FAM13A: variants seen among roughly 807,000 people sequenced by gnomAD.
FAM13A encodes the protein family with sequence similarity 13 member A.
In FAM13A, 76 loss-of-function variants were observed where a neutral mutation model predicts 129.6. The ratio of observed to expected loss-of-function variants is 0.59; its 90% CI spans 0.49 to 0.71. The LOEUF is 0.71. Ranked by LOEUF, FAM13A falls within the 30% of genes least tolerant of loss-of-function variation. FAM13A has a pLI of 0.00. For synonymous variants in FAM13A, 443 were observed against 449.9 expected (o/e 0.98, Z 0.20); for missense variants, 1,108 against 1,249.3 (o/e 0.89, Z 1.70).
intron 19 of FAM13A, among the ~76,000 whole-genome samples, chr4:88,741,601 A>T (rs1440436384): frequency 6.6e-6 from 1 of 152,136 alleles, no homozygotes; most frequent in East Asian, 1.9e-4. Flanking sequence ...TCATCAAGAC[A>T]TATGTTTATA....
intron 3 of FAM13A, among the ~76,000 whole-genome samples, chr4:89,018,825 G>T (rs1766865861): frequency 6.6e-6 from 1 of 152,150 alleles, no homozygotes; most frequent in Non-Finnish European, 1.5e-5. Context: ...GTCTAACACA[G>T]ACAGTCTGGC....
chr4:88,995,159 T>TGC (rs1341937503), intron 3 of FAM13A, among the ~76,000 whole-genome samples: 25 of 145,812 alleles, frequency 1.7e-4, no homozygotes, highest in African/African-American at 6.3e-4. Flanking sequence ...GTTGCACAAA[T>TGC]ATACAAACAG....
intron 11 of FAM13A, among the ~76,000 whole-genome samples, chr4:88,774,901 G>A (rs1179902644): frequency 2.0e-5 from 3 of 152,174 alleles, no homozygotes; most frequent in Non-Finnish European, 4.4e-5. Context: ...GAAAAAGATT[G>A]AGGAGAAGAT....
chr4:88,820,438 TTCAG>T (rs1333449674), intron 7 of FAM13A, among the ~76,000 whole-genome samples: 2 of 152,186 alleles, frequency 1.3e-5, no homozygotes, highest in African/African-American at 4.8e-5. Flanking sequence ...CAGAGTAGTG[TTCAG>T]TCAAAGAGAA....
At chr4:88,823,073 G>A in intron 7 of FAM13A, 1 of 1,603,578 alleles carries the variant, frequency 6.2e-7, no homozygotes, top group Non-Finnish European at 8.5e-7. Flanking sequence ...CGTCTGTACA[G>A]TGAACGTCTT....
chr4:88,917,329 G>A (rs1343054072), intron 5 of FAM13A, among the ~76,000 whole-genome samples: 2 of 152,022 alleles, frequency 1.3e-5, no homozygotes, highest in African/African-American at 4.8e-5. Context: ...CTAATACAGG[G>A]AGAACTCACT....
chr4:88,766,780 T>C (rs559779294), intron 13 of FAM13A, among the ~76,000 whole-genome samples: 2 of 152,286 alleles, frequency 1.3e-5, no homozygotes, highest in South Asian at 2.1e-4. Flanking sequence ...CTAAGAATCA[T>C]TGGGTTAGAG....
intron 6 of FAM13A, among the ~76,000 whole-genome samples, chr4:88,901,320 C>A (rs1285575767): frequency 1.3e-5 from 2 of 152,076 alleles, no homozygotes; most frequent in Non-Finnish European, 2.9e-5. Context: ...AACTCTCCAC[C>A]CACAAACAAC....
At chr4:89,030,628 AACATT>A (rs1768560059) in intron 1 of FAM13A, among the ~76,000 whole-genome samples, 1 of 152,160 alleles carries the variant, frequency 6.6e-6, no homozygotes, top group Non-Finnish European at 1.5e-5. Context: ...TAAGAGTAGA[AACATT>A]ACATTCAATC....
Position 88,728,207 on chromosome 4 carries a change from G to A in FAM13A, c.*326C>T, listed in dbSNP as rs1254074452. On this transcript the variant is annotated 3_prime_UTR_variant, in exon 24 of 24. Transcript: ENST00000264344. Reference sequence around the variant, plus strand: ...AACAGTGTATATTCTCTGTAGATGAGTGTTGTCTAATGTAGTGATTAATCT... The same window carrying A: ...AACAGTGTATATTCTCTGTAGATGAATGTTGTCTAATGTAGTGATTAATCT... 6.4e-6 allele frequency: 2 copies of A among 314,960 alleles called. No homozygotes were observed. Among genetic ancestry groups the A allele is most frequent in the Non-Finnish European group, 1.2e-5 (2 of 166,414 alleles). 19.5% of individuals were successfully genotyped at this position (314,960 alleles called of 1,614,324 possible). A position where few individuals can be genotyped will look rare whatever the true frequency, so the allele number is the denominator to read the frequency against.
intron 4 of FAM13A, among the ~76,000 whole-genome samples, chr4:88,948,199 T>A (rs963940147): frequency 2.0e-5 from 3 of 152,098 alleles, no homozygotes; most frequent in African/African-American, 7.2e-5. Context: ...GTATTCAGGA[T>A]CCTGGGTTAG....
At chr4:88,973,876 A>G (rs1375500439) in intron 4 of FAM13A, among the ~76,000 whole-genome samples, 4 of 152,068 alleles carry the variant, frequency 2.6e-5, no homozygotes, top group African/African-American at 9.7e-5. Context: ...AGTGATTCTC[A>G]GTTTTTCCTA....
intron 6 of FAM13A, among the ~76,000 whole-genome samples, chr4:88,899,792 T>C (rs2150202865): frequency 6.6e-6 from 1 of 152,154 alleles, no homozygotes; most frequent in Admixed American, 6.5e-5. Flanking sequence ...GATGGCTGAA[T>C]TGACAGAATT....
intron 8 of FAM13A, among the ~76,000 whole-genome samples, chr4:88,791,173 C>A (rs1725063183): frequency 6.6e-6 from 1 of 152,082 alleles, no homozygotes; most frequent in Non-Finnish European, 1.5e-5. Flanking sequence ...TTTTCGAAGC[C>A]ACATTTTCTT....
chr4:88,869,956 A>AATTATATAGAGT (rs1741070914), intron 6 of FAM13A, among the ~76,000 whole-genome samples: 1 of 152,184 alleles, frequency 6.6e-6, no homozygotes, highest in East Asian at 1.9e-4. Context: ...TAATTTATAT[A>AATTATATAGAGT]ATTTATATTC....
intron 5 of FAM13A, among the ~76,000 whole-genome samples, chr4:88,920,315 T>C (rs1445505011): frequency 6.6e-6 from 1 of 152,118 alleles, no homozygotes; most frequent in Admixed American, 6.5e-5. Flanking sequence ...AGGGGCAAAC[T>C]GACACCTCAC....
intron 6 of FAM13A, among the ~76,000 whole-genome samples, chr4:88,865,809 G>T (rs143242944): frequency 6.6e-6 from 1 of 150,810 alleles, no homozygotes; most frequent in Non-Finnish European, 1.5e-5. Flanking sequence ...GATTTGGCCT[G>T]TGGGCCACTT....
At chr4:88,787,240 GC>G (rs1436572619) in intron 10 of FAM13A, among the ~76,000 whole-genome samples, 2 of 152,114 alleles carry the variant, frequency 1.3e-5, no homozygotes, top group East Asian at 3.9e-4. Context: ...AACAACTTAA[GC>G]TTTTCATTTT....
intron 7 of FAM13A, among the ~76,000 whole-genome samples, chr4:88,811,695 T>C (rs2149782432): frequency 6.6e-6 from 1 of 152,308 alleles, no homozygotes; most frequent in East Asian, 1.9e-4. Flanking sequence ...GCCTGCTGAT[T>C]GACTGACAGT....
Sources: allele counts gnomAD v4.1 joint callset (sites outside exome capture counted in the v4.1 genomes callset), GRCh38; gene constraint gnomAD v4.1.1; transcripts MANE v1.5; gene names NCBI Gene and HGNC (gene_info 2026-07-23, HGNC 2026-07-21).